The following CEPT1 variants were observed in gnomAD, a reference collection of about 807,000 sequenced individuals.
CEPT1 encodes choline/ethanolamine phosphotransferase 1.
A neutral mutation model predicts 42.6 loss-of-function variants in CEPT1; 7 were observed. The ratio of observed to expected loss-of-function variants is 0.16; its 90% CI spans 0.09 to 0.31. CEPT1 has a LOEUF of 0.31. Ranked by LOEUF, CEPT1 falls within the 10% of genes least tolerant of loss-of-function variation. The pLI, the probability that CEPT1 is intolerant of heterozygous loss-of-function variation, is 1.00. For synonymous variants in CEPT1, 171 were observed against 171.9 expected (o/e 0.99, Z 0.04); for missense variants, 306 against 502.1 (o/e 0.61, Z 3.73).
At chr1:111,146,514 C>G (rs552872273) in intron 1 of CEPT1, among the ~76,000 whole-genome samples, 101 of 152,244 alleles carry the variant, frequency 6.6e-4, no homozygotes, top group Non-Finnish European at 1.1e-3. Flanking sequence ...AATCTTCCAT[C>G]TAAATAGAAA....
chr1:111,161,164 T>C lies in CEPT1; in HGVS notation c.497T>C (p.Val166Ala). Residue 166 changes from valine (V) to alanine (A), a missense_variant, in exon 4 of 9, where the codon GTT becomes GCT. Transcript: ENST00000357172. ...GCDSLSTVFV[V>A]LGTCIAVQLG... ...GATCTTTCTTCTGCAGTTTTTGTGG[T>C]TCTTGGAACTTGTATTGCAGTGCAG... The C allele has an allele frequency of 6.2e-7, 1 of 1,614,096 alleles. No homozygotes were observed. The highest frequency in any genetic ancestry group is 1.7e-5 in the Admixed American group (1 of 60,028).
chr1:111,145,214 C>T (rs1481285214), intron 1 of CEPT1, among the ~76,000 whole-genome samples: 3 of 152,142 alleles, frequency 2.0e-5, no homozygotes, highest in African/African-American at 7.2e-5. Flanking sequence ...CGGGGTTTCA[C>T]CGTGTTGGCC....
chr1:111,147,305 T>C (rs1655020514), intron 1 of CEPT1, among the ~76,000 whole-genome samples: 1 of 152,216 alleles, frequency 6.6e-6, no homozygotes, highest in Non-Finnish European at 1.5e-5. Flanking sequence ...TCCGTATATG[T>C]GTAATGATGA....
At chr1:111,151,069 A>C (rs924822688) in intron 2 of CEPT1, among the ~76,000 whole-genome samples, 3 of 151,892 alleles carry the variant, frequency 2.0e-5, no homozygotes, top group African/African-American at 7.3e-5. Flanking sequence ...CACAGCCCTC[A>C]GGAGGTCCTG....
rs139958088 is a variant in CEPT1, at chr1:111,150,185, A to C, written c.339+2132A>C. Among the ~76,000 whole-genome samples the C allele has an allele frequency of 4.8e-3, 729 of 152,326 alleles. 6 individuals are homozygous for C. Among genetic ancestry groups the C allele is most frequent in the African/African-American group, 0.016 (680 of 41,570 alleles). ...TAGGCTCAAAGCAGAATGCATTTAA[A>C]TAGGTCTTGGTTGTTTTCTATGACA... On this transcript the variant is annotated intron_variant, in intron 2 of 8. Transcript: ENST00000357172.
At chr1:111,172,286 G>C (rs1459721143) in intron 4 of CEPT1, among the ~76,000 whole-genome samples, 1 of 151,914 alleles carries the variant, frequency 6.6e-6, no homozygotes, top group African/African-American at 2.4e-5. Context: ...TTTTTTCTTG[G>C]TGTGGTAGTA....
chr1:111,163,577 A>G (rs1291365794), intron 4 of CEPT1, among the ~76,000 whole-genome samples: 1 of 152,126 alleles, frequency 6.6e-6, no homozygotes, highest in Non-Finnish European at 1.5e-5. Flanking sequence ...TACTCCATCC[A>G]GCCTGGCAAC....
chr1:111,182,519 TAC>T (rs1657039977), intron 6 of CEPT1: 3 of 604,786 alleles, frequency 5.0e-6, no homozygotes, highest in African/African-American at 1.9e-5. Flanking sequence ...CTTTTATGCA[TAC>T]ACACACACAA....
chr1:111,145,277 A>G (rs748501571), intron 1 of CEPT1, among the ~76,000 whole-genome samples: 2 of 152,170 alleles, frequency 1.3e-5, no homozygotes, highest in African/African-American at 2.4e-5. Flanking sequence ...CAGCCTCCCA[A>G]AGTGGCGTGA....
intron 4 of CEPT1, among the ~76,000 whole-genome samples, chr1:111,174,147 T>TC (rs1490035463): frequency 6.6e-6 from 1 of 152,174 alleles, no homozygotes; most frequent in Non-Finnish European, 1.5e-5. Flanking sequence ...ACAGCATATG[T>TC]TTTGCTTCTC....
intron 4 of CEPT1, among the ~76,000 whole-genome samples, chr1:111,171,915 T>C (rs1373235088): frequency 6.6e-6 from 1 of 152,166 alleles, no homozygotes; most frequent in Non-Finnish European, 1.5e-5. Context: ...TTTTGTATTG[T>C]TAGTAGAGAC....
intron 2 of CEPT1, among the ~76,000 whole-genome samples, chr1:111,150,828 T>C (rs1655231183): frequency 1.3e-5 from 2 of 152,212 alleles, no homozygotes; most frequent in South Asian, 2.1e-4. Context: ...TTCTCTCTTT[T>C]TATATGGAGA....
chr1:111,144,476 C>G (rs1654841359), intron 1 of CEPT1, among the ~76,000 whole-genome samples: 1 of 152,118 alleles, frequency 6.6e-6, no homozygotes, highest in Non-Finnish European at 1.5e-5. Context: ...TGGGCTAGAT[C>G]TGGAAAGGTT....
intron 2 of CEPT1, among the ~76,000 whole-genome samples, chr1:111,154,186 AG>A (rs1400429980): frequency 1.0e-4 from 14 of 137,122 alleles, no homozygotes; most frequent in Non-Finnish European, 2.1e-4. Context: ...TTTATTCCCA[AG>A]TATTTTATTT....
chr1:111,143,837 A>G (rs543975216), intron 1 of CEPT1, among the ~76,000 whole-genome samples: 2 of 152,166 alleles, frequency 1.3e-5, no homozygotes, highest in East Asian at 3.9e-4. Flanking sequence ...TCCCGGGCTC[A>G]AGCAATCCTC....
intron 4 of CEPT1, among the ~76,000 whole-genome samples, chr1:111,168,322 T>A (rs767538734): frequency 1.3e-5 from 2 of 152,150 alleles, no homozygotes; most frequent in Non-Finnish European, 2.9e-5. Context: ...TCAGAGAATG[T>A]TGGAGAACTG....
At chr1:111,165,839 G>A (rs951877213) in intron 4 of CEPT1, among the ~76,000 whole-genome samples, 17 of 152,120 alleles carry the variant, frequency 1.1e-4, no homozygotes, top group African/African-American at 3.6e-4. Flanking sequence ...AAAGTTAATA[G>A]GCTATGTATT....
chr1:111,182,242 G>A lies in CEPT1; in HGVS notation c.770G>A (p.Gly257Glu). The change falls in exon 6 of 9, where the codon GGG (glycine) becomes GAG (glutamate). Residue 257 changes from glycine (G) to glutamate (E), a missense_variant. This residue lies in a region of CEPT1 where 253 missense variants were observed against 447.3 expected (regional missense o/e 0.57). Transcript: ENST00000357172. Reference sequence around the variant, plus strand: ...TTTCCTGCACTTTGTACTGTAGCAGGGACCATATTTTCCTGTACAAATTAC... The same window carrying A: ...TTTCCTGCACTTTGTACTGTAGCAGAGACCATATTTTCCTGTACAAATTAC... Reference protein sequence around the residue: ...KIFPALCTVAGTIFSCTNYFR... With the variant: ...KIFPALCTVAETIFSCTNYFR... 6.2e-7 allele frequency: 1 copy of A among 1,612,614 alleles called. No individual in the cohort carries two copies. Among genetic ancestry groups the A allele is most frequent in the Non-Finnish European group, 8.5e-7 (1 of 1,179,096 alleles).
chr1:111,142,033 T>C (rs1315941510), intron 1 of CEPT1, among the ~76,000 whole-genome samples: 2 of 152,120 alleles, frequency 1.3e-5, no homozygotes, highest in Non-Finnish European at 2.9e-5. Context: ...GCTTACCTTA[T>C]GCACTGCTCA....
Sources: gnomAD v4.1 joint callset for allele counts (sites outside exome capture counted in the v4.1 genomes callset) on GRCh38, gnomAD v4.1.1 for gene constraint, gnomAD v4.1.1 regional missense constraint, MANE v1.5 for transcripts, NCBI Gene and HGNC (gene_info 2026-07-23, HGNC 2026-07-21) for gene names.